Variants in COL13A1 observed in about 807,000 individuals in gnomAD.
The protein encoded by COL13A1 is collagen type XIII alpha 1 chain, also known as collagen alpha-1(XIII) chain.
Under a neutral mutation model 130.9 loss-of-function variants are expected in COL13A1, and 89 were observed. That is an observed-to-expected ratio of 0.68 (90% CI 0.57 to 0.81). The LOEUF (loss-of-function observed/expected upper bound fraction) is 0.81. Ranked by LOEUF, COL13A1 falls within the 30% of genes least tolerant of loss-of-function variation. COL13A1 has a pLI of 0.00. For synonymous variants in COL13A1, 402 were observed against 341.6 expected, an observed-to-expected ratio of 1.18 and a Z score of -1.95; for missense variants, 879 against 934.6, an observed-to-expected ratio of 0.94 and a Z score of 0.78.
chr10:69,948,084 A>T (rs752643900), intron 38 of COL13A1, among the ~76,000 whole-genome samples: 12 of 152,180 alleles, frequency 7.9e-5, no homozygotes, highest in Non-Finnish European at 8.8e-5. Context: ...GGCTTCCTGG[A>T]GTGGGGGGCA....
intron 4 of COL13A1, among the ~76,000 whole-genome samples, chr10:69,874,744 C>A (rs1281558597): frequency 1.3e-5 from 2 of 152,120 alleles, no homozygotes; most frequent in African/African-American, 4.8e-5. Flanking sequence ...CTGCTCTGTG[C>A]CTTGAAGTTG....
chr10:69,905,078 G>A (rs1220698140), intron 16 of COL13A1, 119 bp downstream of exon 16: 3 of 1,178,240 alleles, frequency 2.5e-6, no homozygotes, highest in Non-Finnish European at 1.2e-6. Context: ...CTGAGAGACA[G>A]ATCAAGCTTG....
At position 69,928,971 on chromosome 10, in the gene COL13A1, C is replaced by A; in HGVS notation, c.1457C>A (p.Pro486His). 6.2e-7 allele frequency: 1 copy of A among 1,613,650 alleles called. No individual in the cohort carries two copies. The highest frequency in any genetic ancestry group is 8.5e-7 in the Non-Finnish European group (1 of 1,179,716). Residue 486 changes from proline (P) to histidine (H), a missense_variant, in exon 28 of 41, where the codon CCT (proline) becomes CAT (histidine). Transcript: ENST00000645393. ...GGTCTTCCTGGGCAAATTGGCCCACCTGGAGCTCCAGGGATTCCAGGCCAG... is the reference window on the plus strand; with the variant it reads ...GGTCTTCCTGGGCAAATTGGCCCACATGGAGCTCCAGGGATTCCAGGCCAG... ...PPGLPGQIGP[P>H]GAPGIPGQKG... is the part of the protein sequence containing the mutation.
intron 2 of COL13A1, among the ~76,000 whole-genome samples, chr10:69,851,924 G>C (rs1023515234): frequency 6.6e-6 from 1 of 152,196 alleles, no homozygotes; most frequent in African/African-American, 2.4e-5. Flanking sequence ...CAAAGTGCTG[G>C]GATTACAGGT....
rs1174834345 is a variant in COL13A1 at position 69,888,360 on chromosome 10, C to T, written c.576+30C>T. The stretch of plus-strand genomic sequence containing the variant: ...GTGGACCCGCTCTCTCCCCTCACTG[C>T]AGGTCAGTGATCCTGGATCTCTTGG... On this transcript the variant is annotated intron_variant, in intron 9 of 40. Transcript: ENST00000645393. The T allele has an allele frequency of 1.9e-6, 3 of 1,608,926 alleles. No homozygotes were observed. In the African/African-American group the frequency reaches 4.0e-5, roughly 21 times the overall value.
intron 4 of COL13A1, 129 bp downstream of exon 4, chr10:69,872,339 C>T (rs1228404753): frequency 1.9e-6 from 2 of 1,044,206 alleles, no homozygotes; most frequent in Admixed American, 4.0e-5. Context: ...CTCCAGAGTC[C>T]CTGATCTATA....
In COL13A1 at chr10:69,810,346, A is replaced by AAGAGAG. The variant is rs1564723791; in HGVS notation, c.294+7629_294+7630insAGAGAG. 1.7e-3 allele frequency among the ~76,000 whole-genome samples: 124 copies of AAGAGAG among 71,156 alleles called. No homozygotes were observed. In the Middle Eastern group the frequency reaches 0.036, roughly 21 times the overall value. 46.7% of individuals were successfully genotyped at this position (71,156 alleles called of 152,430 possible). A position where few individuals can be genotyped will look rare whatever the true frequency, so the allele number is the denominator to read the frequency against. Reference sequence around the variant, plus strand: ...CGGCTGGACCTGGCAGGCCCTGAGAATGAGAGAGAGAGAGAGAGAGAGAGA... The same window carrying AAGAGAG: ...CGGCTGGACCTGGCAGGCCCTGAGAAAGAGAGTGAGAGAGAGAGAGAGAGAGAGAGA... On this transcript the variant is annotated intron_variant, in intron 1 of 40. Transcript: ENST00000645393.
intron 3 of COL13A1, 159 bp from the exon 4 acceptor site, chr10:69,872,025 T>C: frequency 2.5e-6 from 2 of 792,774 alleles, no homozygotes; most frequent in East Asian, 2.7e-5. Context: ...GGAAGCTTTA[T>C]AAGCCTTAGC....
At chr10:69,949,043 A>G (rs2068970952) in intron 38 of COL13A1, among the ~76,000 whole-genome samples, 1 of 152,178 alleles carries the variant, frequency 6.6e-6, no homozygotes, top group African/African-American at 2.4e-5. Flanking sequence ...TTTTGAGCAC[A>G]CCATAAAGAG....
At chr10:69,898,404 A>G (rs988173516) in intron 13 of COL13A1, among the ~76,000 whole-genome samples, 20 of 152,184 alleles carry the variant, frequency 1.3e-4, no homozygotes, top group Non-Finnish European at 2.6e-4. Flanking sequence ...GCTGGTCAAC[A>G]TCCCAAACTC....
rs542380334 is a variant in COL13A1, at chr10:69,802,512, C to T, written c.89C>T (p.Ala30Val). The T allele has an allele frequency of 1.3e-6, 2 of 1,552,854 alleles. No homozygotes were observed. Among genetic ancestry groups the T allele is most frequent in the South Asian group, 1.2e-5 (1 of 85,094 alleles). ...LGAPGTVALVAARAERGARLP... is the reference protein window; with the variant it reads ...LGAPGTVALVVARAERGARLP... ...GCGCCCGGGACGGTGGCTCTGGTGG[C>T]GGCGCGGGCGGAGCGCGGCGCACGG... The change falls in exon 1 of 41, where the codon GCG (alanine) becomes GTG (valine). Residue 30 changes from alanine to valine, a missense_variant. Transcript: ENST00000645393.
At chr10:69,823,814 A>C (rs2132666112) in intron 2 of COL13A1, among the ~76,000 whole-genome samples, 1 of 152,250 alleles carries the variant, frequency 6.6e-6, no homozygotes, top group East Asian at 1.9e-4. Flanking sequence ...CTCTGGGCCC[A>C]GAAGATAGGG....
At chr10:69,873,798 A>T (rs1024372090) in intron 4 of COL13A1, among the ~76,000 whole-genome samples, 6 of 152,110 alleles carry the variant, frequency 3.9e-5, no homozygotes, top group African/African-American at 1.2e-4. Flanking sequence ...TAGGAGTAAC[A>T]CTCAAAAAGA....
chr10:69,900,222 C>T (rs1417887977), intron 14 of COL13A1, among the ~76,000 whole-genome samples: 1 of 152,192 alleles, frequency 6.6e-6, no homozygotes, highest in African/African-American at 2.4e-5. Context: ...TCTCCTGGGC[C>T]CCAACAGCGA....
intron 1 of COL13A1, among the ~76,000 whole-genome samples, chr10:69,806,014 A>G (rs1367478448): frequency 1.3e-5 from 2 of 152,284 alleles, no homozygotes; most frequent in Non-Finnish European, 2.9e-5. Context: ...TAGGCAAGCC[A>G]TGCTACACCC....
In COL13A1 at chr10:69,945,738, G is replaced by T. The variant is rs749881706; in HGVS notation, c.2022+14G>T. On this transcript the variant is annotated intron_variant, in intron 37 of 40. Coordinates refer to ENST00000645393, the MANE Select transcript of COL13A1 (RefSeq NM_001368882.1). ...GCTGGGCTTCCTGTGAGTCTCTTGG[G>T]ATCAGAGGTTCCTCTCCTCCCACCC... 6.2e-7 allele frequency: 1 copy of T among 1,608,728 alleles called. No homozygotes were observed. Among genetic ancestry groups the T allele is most frequent in the Non-Finnish European group, 8.5e-7 (1 of 1,177,582 alleles).
At chr10:69,910,793 T>C (rs951288918) in intron 17 of COL13A1, among the ~76,000 whole-genome samples, 13 of 152,252 alleles carry the variant, frequency 8.5e-5, no homozygotes, top group African/African-American at 3.1e-4. Context: ...TTGACGAGTA[T>C]TGTCAGATTG....
intron 13 of COL13A1, among the ~76,000 whole-genome samples, chr10:69,898,302 G>A (rs929689073): frequency 2.6e-5 from 4 of 152,338 alleles, no homozygotes; most frequent in South Asian, 2.1e-4. Flanking sequence ...GCAGTGCAAC[G>A]TTGGGCTGTG....
chr10:69,915,787 A>G (rs1376458245), intron 17 of COL13A1, among the ~76,000 whole-genome samples: 1 of 152,208 alleles, frequency 6.6e-6, no homozygotes. Flanking sequence ...CAAGACTCCA[A>G]ATGATGAATA....
Sources: gnomAD v4.1 joint callset for allele counts (sites outside exome capture counted in the v4.1 genomes callset) on GRCh38, gnomAD v4.1.1 for gene constraint, MANE v1.5 for transcripts, NCBI Gene and HGNC (gene_info 2026-07-23, HGNC 2026-07-21) for gene names.